Variants in PRKG1 observed in about 807,000 individuals in gnomAD.
PRKG1 encodes protein kinase cGMP-dependent 1, also known as cGMP-dependent protein kinase 1.
PRKG1 carries 35 observed loss-of-function variants against 88.1 expected under a neutral mutation model. The ratio of observed to expected loss-of-function variants is 0.40; its 90% CI spans 0.30 to 0.53. The LOEUF is 0.53. PRKG1 is among the 20% of genes least tolerant of loss of function. The pLI, the probability that PRKG1 is intolerant of heterozygous loss-of-function variation, is 0.59. For missense variants in PRKG1, 540 were observed against 839.8 expected (o/e 0.64, Z 4.41); for synonymous variants, 303 against 292.5 (o/e 1.04, Z -0.37).
intron 3 of PRKG1, among the ~76,000 whole-genome samples, chr10:51,622,767 G>A (rs190866918): frequency 6.6e-6 from 1 of 152,182 alleles, no homozygotes; most frequent in Non-Finnish European, 1.5e-5. Context: ...GTGCTTTTTG[G>A]CCATCAGACT....
At chr10:52,151,016 ATT>A (rs66744009) in intron 8 of PRKG1, among the ~76,000 whole-genome samples, 1 of 151,886 alleles carries the variant, frequency 6.6e-6, no homozygotes, top group East Asian at 1.9e-4. Context: ...TTTTGATAGG[ATT>A]TTTTTGCCAA....
At chr10:51,100,357 A>G (rs2879547) in intron 1 of PRKG1, among the ~76,000 whole-genome samples, 76,449 of 152,070 alleles carry the variant, frequency 0.5, 20,551 homozygotes, top group East Asian at 0.71. Flanking sequence ...TAAAATGTCT[A>G]ATGTTTAGAA....
intron 3 of PRKG1, among the ~76,000 whole-genome samples, chr10:51,547,644 G>A (rs111329806): frequency 3.3e-4 from 50 of 152,120 alleles, no homozygotes; most frequent in African/African-American, 1.1e-3. Context: ...TATACTTGAC[G>A]AGTAATGGTC....
chr10:51,249,009 A>G (rs1211592569), intron 2 of PRKG1, among the ~76,000 whole-genome samples: 1 of 151,968 alleles, frequency 6.6e-6, no homozygotes, highest in East Asian at 1.9e-4. Flanking sequence ...GTGAAATTTT[A>G]TCTGGCTCAT....
chr10:51,645,765 A>T (rs1839901274), intron 3 of PRKG1, among the ~76,000 whole-genome samples: 2 of 152,314 alleles, frequency 1.3e-5, no homozygotes, highest in South Asian at 4.1e-4. Context: ...CTTCAGATAC[A>T]TCAACAGCAA....
intron 2 of PRKG1, among the ~76,000 whole-genome samples, chr10:51,220,401 A>G (rs1263920932): frequency 1.3e-5 from 2 of 152,202 alleles, no homozygotes; most frequent in Non-Finnish European, 2.9e-5. Flanking sequence ...ACAAAGGAAT[A>G]AAAAGATAAT....
intron 3 of PRKG1, among the ~76,000 whole-genome samples, chr10:51,710,675 C>T (rs1589223321): frequency 6.6e-6 from 1 of 152,150 alleles, no homozygotes; most frequent in Non-Finnish European, 1.5e-5. Context: ...AAACATAGAA[C>T]CAAGTTTATT....
At chr10:51,219,129 T>C (rs575664343) in intron 2 of PRKG1, among the ~76,000 whole-genome samples, 1 of 152,362 alleles carries the variant, frequency 6.6e-6, no homozygotes, top group South Asian at 2.1e-4. Context: ...TAGTATCAGC[T>C]GATAATTTTA....
At chr10:51,068,038 A>G (rs1843776575) in intron 1 of PRKG1, among the ~76,000 whole-genome samples, 1 of 152,080 alleles carries the variant, frequency 6.6e-6, no homozygotes, top group African/African-American at 2.4e-5. Context: ...ACAAATACAT[A>G]GTGAATGTAT....
chr10:51,169,766 A>G (rs1294473328), intron 2 of PRKG1, among the ~76,000 whole-genome samples: 1 of 148,036 alleles, frequency 6.8e-6, no homozygotes, highest in Non-Finnish European at 1.5e-5. Flanking sequence ...AGTAATCTTG[A>G]GGAAATTATC....
intron 2 of PRKG1, among the ~76,000 whole-genome samples, chr10:51,302,153 T>C (rs1840905433): frequency 6.6e-6 from 1 of 152,206 alleles, no homozygotes; most frequent in Non-Finnish European, 1.5e-5. Context: ...CATTAGCACA[T>C]TGAGGAGCAC....
At chr10:51,184,334 C>T (rs1372860281) in intron 2 of PRKG1, among the ~76,000 whole-genome samples, 1 of 152,184 alleles carries the variant, frequency 6.6e-6, no homozygotes, top group African/African-American at 2.4e-5. Context: ...ATATTCACTG[C>T]TATAATTTAA....
chr10:51,498,406 G>C (rs530457148), intron 3 of PRKG1, among the ~76,000 whole-genome samples: 6 of 152,076 alleles, frequency 3.9e-5, no homozygotes, highest in Non-Finnish European at 7.4e-5. Flanking sequence ...AAATAGAATT[G>C]TTCCCTTAGA....
intron 3 of PRKG1, among the ~76,000 whole-genome samples, chr10:51,788,279 G>A (rs1463480556): frequency 6.6e-6 from 1 of 152,068 alleles, no homozygotes; most frequent in Non-Finnish European, 1.5e-5. Flanking sequence ...GTCAATTACA[G>A]CTTATTTTTC....
At chr10:52,061,899 G>T (rs772846830) in intron 6 of PRKG1, among the ~76,000 whole-genome samples, 1 of 152,000 alleles carries the variant, frequency 6.6e-6, no homozygotes, top group Admixed American at 6.6e-5. Context: ...AGGGACAGGC[G>T]TATCCTAGAG....
intron 3 of PRKG1, among the ~76,000 whole-genome samples, chr10:51,600,928 G>A (rs564832779): frequency 1.3e-3 from 189 of 150,550 alleles, no homozygotes; most frequent in Non-Finnish European, 2.3e-3. Context: ...TTTTGAGAGA[G>A]AGAGAGAGGA....
At chr10:51,431,817 G>A (rs1181182443) in intron 2 of PRKG1, among the ~76,000 whole-genome samples, 13 of 151,962 alleles carry the variant, frequency 8.6e-5, no homozygotes, top group Non-Finnish European at 1.5e-4. Context: ...CTATTTTTTA[G>A]TATATTTTAA....
intron 1 of PRKG1, among the ~76,000 whole-genome samples, chr10:51,030,253 CAG>C (rs1843266280): frequency 6.6e-6 from 1 of 151,630 alleles, no homozygotes; most frequent in Non-Finnish European, 1.5e-5. Context: ...TTATAACTGT[CAG>C]AGAAAAGTTC....
At chr10:51,596,748 T>C (rs2132218382) in intron 3 of PRKG1, among the ~76,000 whole-genome samples, 1 of 152,328 alleles carries the variant, frequency 6.6e-6, no homozygotes, top group Admixed American at 6.5e-5. Flanking sequence ...AATGCGATGA[T>C]TTGAAAGCTA....
Sources: gnomAD v4.1 joint callset for allele counts (sites outside exome capture counted in the v4.1 genomes callset) on GRCh38, gnomAD v4.1.1 for gene constraint, MANE v1.5 for transcripts, NCBI Gene and HGNC (gene_info 2026-07-23, HGNC 2026-07-21) for gene names.